The following AGBL4 variants were observed in gnomAD, a reference collection of about 807,000 sequenced individuals.
The protein encoded by AGBL4 is AGBL carboxypeptidase 4, also known as cytosolic carboxypeptidase 6.
AGBL4 carries 58 observed loss-of-function variants against 66.4 expected under a neutral mutation model. The observed-to-expected ratio is 0.87, with a 90% confidence interval of 0.71 to 1.09. The LOEUF is 1.09. Ranked by LOEUF, AGBL4 falls within the 50% of genes least tolerant of loss-of-function variation. The pLI, the probability that AGBL4 is intolerant of heterozygous loss-of-function variation, is 0.00. For missense variants in AGBL4, 579 were observed against 631.0 expected (o/e 0.92, Z 0.88); for synonymous variants, 234 against 222.9 (o/e 1.05, Z -0.44).
At chr1:48,776,586 C>T (rs945943194) in intron 6 of AGBL4, 1 of 1,412,422 alleles carries the variant, frequency 7.1e-7, no homozygotes, top group Non-Finnish European at 9.2e-7. Flanking sequence ...CCCACCGTCC[C>T]TCCCCGCCCG....
At chr1:48,766,301 A>G (rs894132625) in intron 6 of AGBL4, among the ~76,000 whole-genome samples, 1 of 152,220 alleles carries the variant, frequency 6.6e-6, no homozygotes, top group African/African-American at 2.4e-5. Flanking sequence ...CAGAGCCAAG[A>G]TGTGCTATAG....
At chr1:49,571,434 A>C (rs1644329353) in intron 3 of AGBL4, among the ~76,000 whole-genome samples, 1 of 152,060 alleles carries the variant, frequency 6.6e-6, no homozygotes, top group Non-Finnish European at 1.5e-5. Context: ...TGTATCCTGC[A>C]TGATTACTGA....
At chr1:48,773,196 G>C (rs138715590) in intron 6 of AGBL4, among the ~76,000 whole-genome samples, 1 of 152,016 alleles carries the variant, frequency 6.6e-6, no homozygotes, top group Admixed American at 6.6e-5. Flanking sequence ...TGCCTAGATA[G>C]AACAACTTAA....
At position 49,985,976 on chromosome 1, in the gene AGBL4, C is replaced by T. The variant is rs563999692; in HGVS notation, c.34+37787G>A. Among the ~76,000 whole-genome samples the T allele has an allele frequency of 4.6e-5, 7 of 152,176 alleles. No homozygotes were observed. The South Asian group carries it at 1.5e-3, about 32-fold the overall frequency. ...AAGCCCAATTCCTCCTGCTTCAACG[C>T]TTTAATTATATCCTACTACTCTTCT... On this transcript the variant is annotated intron_variant, in intron 1 of 13. Transcript: ENST00000371839.
chr1:49,938,260 T>G (rs1654323186), intron 1 of AGBL4, among the ~76,000 whole-genome samples: 1 of 152,052 alleles, frequency 6.6e-6, no homozygotes, highest in African/African-American at 2.4e-5. Context: ...AATGGATAAA[T>G]TCCTCGACAC....
rs566002263 is a variant in AGBL4 at position 49,605,685 on chromosome 1, A to AT, written c.282+91627dup. Reference sequence around the variant, plus strand: ...AGTTTTCACAGGATGTAAGTGATGGATTTTTTTATTTTTTAAAAGCAGTTT... The same window carrying AT: ...AGTTTTCACAGGATGTAAGTGATGGATTTTTTTTATTTTTTAAAAGCAGTTT... On this transcript the variant is annotated intron_variant, in intron 3 of 13. Coordinates refer to ENST00000371839, the MANE Select transcript of AGBL4 (RefSeq NM_032785.4). Among the ~76,000 whole-genome samples, 54 of 152,180 alleles carry AT rather than the reference A, an allele frequency of 3.5e-4. 1 individual carries two copies. The South Asian group carries it at 9.5e-3, about 27-fold the overall frequency.
chr1:48,638,463 A>C lies in AGBL4; in HGVS notation c.840-3859T>G, dbSNP rs1315958618. Among the ~76,000 whole-genome samples, 4 of 152,336 alleles carry C rather than the reference A, an allele frequency of 2.6e-5. No individual in the cohort carries two copies. The East Asian group carries it at 7.7e-4, about 29-fold the overall frequency. ...TACATGAATTAATGTCTATAAATGG[A>C]CCAGGAGAATTCTCAGAAACACATA... is the stretch of plus-strand genomic sequence containing the variant. On this transcript the variant is annotated intron_variant, in intron 8 of 13. Coordinates refer to ENST00000371839, the MANE Select transcript of AGBL4 (RefSeq NM_032785.4).
At chr1:49,986,689 T>C (rs1659530969) in intron 1 of AGBL4, among the ~76,000 whole-genome samples, 1 of 152,088 alleles carries the variant, frequency 6.6e-6, no homozygotes, top group Non-Finnish European at 1.5e-5. Context: ...TATTTTACAC[T>C]AATTTCTCAC....
At chr1:49,352,885 A>G (rs934939838) in intron 3 of AGBL4, among the ~76,000 whole-genome samples, 2 of 152,154 alleles carry the variant, frequency 1.3e-5, no homozygotes, top group African/African-American at 4.8e-5. Flanking sequence ...CAGCAGATGG[A>G]GTTGGGATTC....
intron 6 of AGBL4, among the ~76,000 whole-genome samples, chr1:48,721,605 G>A (rs1647151060): frequency 6.6e-6 from 1 of 152,182 alleles, no homozygotes; most frequent in African/African-American, 2.4e-5. Flanking sequence ...TCAGTGTGGG[G>A]GTGACCCAGG....
intron 3 of AGBL4, among the ~76,000 whole-genome samples, chr1:49,676,264 A>C (rs1331749207): frequency 2.0e-5 from 3 of 151,982 alleles, no homozygotes; most frequent in Non-Finnish European, 4.4e-5. Flanking sequence ...AGATAGTGTT[A>C]TTTTCATTCT....
intron 8 of AGBL4, among the ~76,000 whole-genome samples, chr1:48,650,889 G>A (rs1645918990): frequency 6.6e-6 from 1 of 152,112 alleles, no homozygotes; most frequent in Non-Finnish European, 1.5e-5. Context: ...GTTTAACTTT[G>A]CTTAACTCTG....
intron 1 of AGBL4, among the ~76,000 whole-genome samples, chr1:49,856,134 C>G (rs1034865236): frequency 2.0e-5 from 3 of 151,558 alleles, no homozygotes; most frequent in Admixed American, 6.6e-5. Flanking sequence ...AATTGGAAAA[C>G]CAAGAGAAAA....
intron 3 of AGBL4, among the ~76,000 whole-genome samples, chr1:49,532,613 C>T (rs1354097303): frequency 6.6e-6 from 1 of 152,066 alleles, no homozygotes; most frequent in Non-Finnish European, 1.5e-5. Context: ...GGGCCATTGA[C>T]CATGTGCTTT....
chr1:49,371,248 G>GATAGATAC (rs1220363831), intron 3 of AGBL4, among the ~76,000 whole-genome samples: 5,397 of 137,828 alleles, frequency 0.039, 110 homozygotes, highest in Non-Finnish European at 0.053. Context: ...TAGATAGATA[G>GATAGATAC]ATACATACAT....
chr1:48,778,270 C>T (rs1645190078), intron 6 of AGBL4, among the ~76,000 whole-genome samples: 1 of 152,158 alleles, frequency 6.6e-6, no homozygotes, highest in African/African-American at 2.4e-5. Context: ...GGGCCAGGTG[C>T]TGGTGATAGA....
intron 3 of AGBL4, among the ~76,000 whole-genome samples, chr1:49,356,552 C>CT (rs1557865925): frequency 6.6e-6 from 1 of 152,188 alleles, no homozygotes; most frequent in East Asian, 1.9e-4. Context: ...AAATAAGACA[C>CT]TATCAGCACA....
intron 3 of AGBL4, among the ~76,000 whole-genome samples, chr1:49,516,809 G>A (rs985301820): frequency 5.3e-5 from 8 of 152,066 alleles, no homozygotes; most frequent in Non-Finnish European, 8.8e-5. Flanking sequence ...GAGAGGAAAA[G>A]TAATATCCTT....
Position 48,634,528 on chromosome 1 carries a change from C to A in AGBL4, c.916G>T (p.Val306Leu). ...SPWVHPTLHG[V>L]KQLIVQMYND... The stretch of plus-strand genomic sequence containing the variant: ...TACATCTGGACGATGAGTTGTTTCA[C>A]TCCATGCAGGGTAGGATGGACCCAT... The change falls in exon 9 of 14, where the codon GTG becomes TTG. Residue 306 changes from valine (V) to leucine (L), a missense_variant. Transcript: ENST00000371839. 6.2e-7 allele frequency: 1 copy of A among 1,605,848 alleles called. No individual in the cohort carries two copies. Among genetic ancestry groups the A allele is most frequent in the Non-Finnish European group, 8.5e-7 (1 of 1,176,118 alleles).
Sources: gnomAD v4.1 joint callset for allele counts (sites outside exome capture counted in the v4.1 genomes callset) on GRCh38, gnomAD v4.1.1 for gene constraint, MANE v1.5 for transcripts, NCBI Gene and HGNC (gene_info 2026-07-23, HGNC 2026-07-21) for gene names.